The following MCM7 variants were observed in gnomAD, a reference collection of about 807,000 sequenced individuals.
The protein encoded by MCM7 is minichromosome maintenance complex component 7, also known as DNA replication licensing factor MCM7.
Under a neutral mutation model 83.5 loss-of-function variants are expected in MCM7, and 95 were observed. The observed-to-expected ratio is 1.14, with a 90% CI of 0.96 to 1.35. The LOEUF is 1.35. Among genes scored for constraint, MCM7 ranks in the 40% most tolerant of loss-of-function variants. The probability of loss-of-function intolerance (pLI) is 0.00; values close to 1 mark genes in which losing one functional copy is unlikely to be tolerated. For missense variants in MCM7, 1,087 were observed against 957.4 expected (o/e 1.14, Z -1.79); for synonymous variants, 461 against 352.7 (o/e 1.31, Z -3.44).
intron 5 of MCM7, 146 bp downstream of exon 5, chr7:100,098,877 G>T: frequency 7.4e-7 from 1 of 1,343,022 alleles, no homozygotes; most frequent in African/African-American, 1.5e-5. Context: ...AAAATAGGTA[G>T]AAAGACCACT....
In MCM7 at chr7:100,095,860, C is replaced by G. The variant is rs1427643410; in HGVS notation, c.1509G>C (p.Gln503His). Residue 503 changes from glutamine to histidine, a missense_variant, in exon 11 of 15, where the codon CAG (glutamine) becomes CAC (histidine). Coordinates refer to ENST00000303887, the MANE Select transcript of MCM7 (RefSeq NM_005916.5). Reference protein sequence around the residue: ...GRYNPRRSLEQNIQLPAALLS... With the variant: ...GRYNPRRSLEHNIQLPAALLS... The stretch of plus-strand genomic sequence containing the variant: ...GCAGTGCAGCAGGTAGCTGTATGTT[C>G]TGCTCCAGGCTGCGGCGAGGGTTGT... 1.2e-6 allele frequency: 2 copies of G among 1,613,080 alleles called. No individual in the cohort carries two copies. Among genetic ancestry groups the G allele is most frequent in the African/African-American group, 2.7e-5 (2 of 74,930 alleles).
chr7:100,094,815 T>A (rs1795531008), intron 12 of MCM7, among the ~76,000 whole-genome samples: 1 of 152,218 alleles, frequency 6.6e-6, no homozygotes, highest in African/African-American at 2.4e-5. Context: ...TATTTGCATA[T>A]GCATGAGATA....
intron 1 of MCM7, 144 bp from the exon 2 acceptor site, chr7:100,100,237 ACT>A (rs1795900234): frequency 1.6e-5 from 23 of 1,422,398 alleles, no homozygotes; most frequent in East Asian, 2.6e-5. Flanking sequence ...AGTGGGCATA[ACT>A]CTTTTTCACA....
At chr7:100,098,960 C>A in intron 5 of MCM7, 63 bp downstream of exon 5, 3 of 1,596,574 alleles carry the variant, frequency 1.9e-6, no homozygotes, top group Middle Eastern at 1.7e-4. Context: ...ATCACAGGAT[C>A]AAATTAATCT....
At chr7:100,101,228 C>G (rs1230933734) in intron 1 of MCM7, 36 bp downstream of exon 1, 1 of 1,612,342 alleles carries the variant, frequency 6.2e-7, no homozygotes, top group African/African-American at 1.3e-5. Flanking sequence ...GGAGGCTCCC[C>G]GCGCAGGACG....
In MCM7 at chr7:100,096,102, C is replaced by G. The variant is rs150102789; in HGVS notation, c.1267G>C (p.Val423Leu). 20 of 1,614,032 alleles carry G rather than the reference C, an allele frequency of 1.2e-5. No homozygotes were observed. The East Asian group carries it at 3.6e-4, about 29-fold the overall frequency. Residue 423 changes from valine to leucine, a missense_variant, in exon 11 of 15, where the codon GTG becomes CTG. Coordinates refer to ENST00000303887, the MANE Select transcript of MCM7 (RefSeq NM_005916.5). ...GLTAAVLRDS[V>L]SGELTLEGGA... ...CCCTCTAAGGTCAGTTCTCCACTCA[C>G]GGAGTCTCTCAGCACAGCTGCCGTA...
At chr7:100,100,427 G>C (rs985656671) in intron 1 of MCM7, 9 of 1,020,832 alleles carry the variant, frequency 8.8e-6, no homozygotes, top group Non-Finnish European at 1.1e-5. Flanking sequence ...ATGATCCCCC[G>C]CCTTCTTTGG....
intron 1 of MCM7, 187 bp downstream of exon 1, chr7:100,101,077 A>T: frequency 1.3e-6 from 1 of 744,730 alleles, no homozygotes; most frequent in South Asian, 1.8e-5. Context: ...TTTCTTCAAC[A>T]TCGATGGCCC....
Position 100,095,996 on chromosome 7 carries a change from A to G in MCM7, c.1373T>C (p.Ile458Thr), listed in dbSNP as rs764872194. ...GGTCTGCTGCTCCATGACCTCGTGG[A>G]TGGCTGTGCGGTCGGCCTCAGCCAT... ...DKMAEADRTAIHEVMEQQTIS... is the reference protein window; with the variant it reads ...DKMAEADRTATHEVMEQQTIS... The change falls in exon 11 of 15, where the codon ATC becomes ACC. Residue 458 changes from isoleucine to threonine, a missense_variant. Transcript: ENST00000303887. 1.2e-6 allele frequency: 2 copies of G among 1,613,992 alleles called. No homozygotes were observed. The highest frequency in any genetic ancestry group is 8.5e-7 in the Non-Finnish European group (1 of 1,179,984).
intron 6 of MCM7, 73 bp from the exon 7 acceptor site, chr7:100,098,363 C>A: frequency 6.4e-7 from 1 of 1,564,818 alleles, no homozygotes; most frequent in Non-Finnish European, 8.7e-7. Flanking sequence ...AGGCATCCCA[C>A]TCAAAGGCTC....
In MCM7 at chr7:100,099,597, C is replaced by G. The variant is rs73395957; in HGVS notation, c.268G>C (p.Glu90Gln). 1.2e-6 allele frequency: 2 copies of G among 1,613,972 alleles called. No homozygotes were observed. The highest frequency in any genetic ancestry group is 1.7e-6 in the Non-Finnish European group (2 of 1,180,030). ...AVQELLPQYK[E>Q]REVVNKDVLD... is the part of the protein sequence containing the mutation. ...GTTCTCTAACCACTCACTTCCCTCT[C>G]CTTGTACTGAGGCAGCAGCTCTTGT... Residue 90 changes from glutamate to glutamine, a missense_variant, in exon 3 of 15, where the codon GAG becomes CAG. Coordinates refer to ENST00000303887, the MANE Select transcript of MCM7 (RefSeq NM_005916.5).
chr7:100,097,334 G>C lies in MCM7; in HGVS notation c.1168C>G (p.Leu390Val). Residue 390 changes from leucine (L) to valine (V), a missense_variant, in exon 10 of 15, where the codon CTC (leucine) becomes GTC (valine). Coordinates refer to ENST00000303887, the MANE Select transcript of MCM7 (RefSeq NM_005916.5). Reference protein sequence around the residue: ...MGDPGVAKSQLLSYIDRLAPR... With the variant: ...MGDPGVAKSQVLSYIDRLAPR... Reference sequence around the variant, plus strand: ...GCCAGTCGATCAATGTATGACAGGAGCTGAGACTTGGCCACACCAGGATCC... The same window carrying C: ...GCCAGTCGATCAATGTATGACAGGACCTGAGACTTGGCCACACCAGGATCC... 1 of 1,614,204 alleles carries C rather than the reference G, an allele frequency of 6.2e-7. No individual in the cohort carries two copies. Among genetic ancestry groups the C allele is most frequent in the East Asian group, 2.2e-5 (1 of 44,884 alleles).
intron 11 of MCM7, 27 bp from the exon 12 acceptor site, chr7:100,095,497 C>T (rs377628426): frequency 2.6e-5 from 42 of 1,608,774 alleles, no homozygotes; most frequent in Non-Finnish European, 3.6e-5. Context: ...TTAGAAGGAA[C>T]ACCCTTTTTA....
chr7:100,100,089 C>A lies in MCM7; in HGVS notation c.36G>T (p.Lys12Asn). ...AGAACTCTTGTAAGAACTTCTTAAC[C>A]TTTTCTGTAACATGAAATGTAAAAC... ...ALKDYALEKE[K>N]VKKFLQEFYQ... is the part of the protein sequence containing the mutation. Residue 12 changes from lysine (K) to asparagine (N), a missense_variant, in exon 2 of 15, where the codon AAG (lysine) becomes AAT (asparagine). Transcript: ENST00000303887. 1 of 1,613,916 alleles carries A rather than the reference C, an allele frequency of 6.2e-7. No individual in the cohort carries two copies. The highest frequency in any genetic ancestry group is 8.5e-7 in the Non-Finnish European group (1 of 1,179,924).
chr7:100,099,547 A>AACGCCTCGCCCTTTGTTTGCC, intron 3 of MCM7, 42 bp downstream of exon 3: 1 of 1,607,118 alleles, frequency 6.2e-7, no homozygotes, highest in Non-Finnish European at 8.5e-7. Flanking sequence ...CAGAAGCTTA[A>AACGCCTCGCCCTTTGTTTGCC]ACGCCTCGCC....
chr7:100,100,657 C>T (rs962083927), intron 1 of MCM7: 2 of 990,396 alleles, frequency 2.0e-6, no homozygotes, highest in African/African-American at 1.7e-5. Context: ...CCACTGCCGC[C>T]TTTCCCGGGC....
chr7:100,094,239 A>G lies in MCM7; in HGVS notation c.1782T>C (p.Ala594=), dbSNP rs572036182. ...CAGAAGTATAGGTGGCATCCTTACT[A>G]GCCCAAGCCTCTCGCCTCATCTCCA... The part of the protein sequence containing the change: ...AYVEMRREAW[A]SKDATYTSAR... Residue 594 remains alanine, a synonymous_variant, in exon 13 of 15, where the codon GCT becomes GCC. Transcript: ENST00000303887. 1.5e-5 allele frequency: 25 copies of G among 1,614,216 alleles called. No individual in the cohort carries two copies. In the Admixed American group the frequency reaches 2.2e-4, roughly 14 times the overall value.
At chr7:100,099,476 G>C in intron 3 of MCM7, 73 bp from the exon 4 acceptor site, 1 of 1,584,058 alleles carries the variant, frequency 6.3e-7, no homozygotes, top group East Asian at 2.2e-5. Context: ...GAGAACACCA[G>C]GCAGAAGTGC....
At chr7:100,098,834 T>C (rs1584494233) in intron 5 of MCM7, 119 bp from the exon 6 acceptor site, 1 of 1,429,004 alleles carries the variant, frequency 7.0e-7, no homozygotes, top group East Asian at 2.3e-5. Flanking sequence ...AAGAACCCTC[T>C]GAACTTACTC....
Sources: allele counts gnomAD v4.1 joint callset (sites outside exome capture counted in the v4.1 genomes callset), GRCh38; gene constraint gnomAD v4.1.1; transcripts MANE v1.5; gene names NCBI Gene and HGNC (gene_info 2026-07-23, HGNC 2026-07-21).